The following MAGI1 variants were observed in gnomAD, a reference collection of about 807,000 sequenced individuals.
The protein encoded by MAGI1 is membrane associated guanylate kinase, WW and PDZ domain containing 1.
Under a neutral mutation model 139.9 loss-of-function variants are expected in MAGI1, and 58 were observed. The ratio of observed to expected loss-of-function variants is 0.41; its 90% CI spans 0.34 to 0.52. The LOEUF (loss-of-function observed/expected upper bound fraction) is 0.52, where lower values mean the gene tolerates loss of function less well. Ranked by LOEUF, MAGI1 falls within the 20% of genes least tolerant of loss-of-function variation. MAGI1 has a pLI of 0.12. For synonymous variants in MAGI1, 812 were observed against 737.9 expected, an observed-to-expected ratio of 1.10 and a Z score of -1.63; for missense variants, 1,874 against 1,901.6, an observed-to-expected ratio of 0.99 and a Z score of 0.27.
At chr3:65,462,924 A>G (rs1164086971) in intron 5 of MAGI1, among the ~76,000 whole-genome samples, 2 of 152,038 alleles carry the variant, frequency 1.3e-5, no homozygotes, top group Admixed American at 6.6e-5. Flanking sequence ...CTGTTTGTCT[A>G]CTATTGGTGT....
chr3:65,785,848 G>A (rs995551256), intron 1 of MAGI1, among the ~76,000 whole-genome samples: 1 of 151,884 alleles, frequency 6.6e-6, no homozygotes, highest in African/African-American at 2.4e-5. Flanking sequence ...TCTGAAACAA[G>A]TTCACAGAGA....
intron 5 of MAGI1, among the ~76,000 whole-genome samples, chr3:65,466,318 T>C (rs1202020838): frequency 6.6e-6 from 1 of 152,154 alleles, no homozygotes; most frequent in Non-Finnish European, 1.5e-5. Context: ...TTTATTAACA[T>C]GGATTTTTTG....
chr3:65,458,360 T>C, intron 5 of MAGI1, among the ~76,000 whole-genome samples: 1 of 151,774 alleles, frequency 6.6e-6, no homozygotes, highest in East Asian at 1.9e-4. Flanking sequence ...TTCTGTTTGT[T>C]TGTTTTTTTT....
chr3:65,466,765 GA>G (rs1376222631), intron 5 of MAGI1, among the ~76,000 whole-genome samples: 1 of 152,160 alleles, frequency 6.6e-6, no homozygotes, highest in Non-Finnish European at 1.5e-5. Context: ...GAAATAAGGG[GA>G]ATTTCCTTAC....
chr3:65,718,204 T>C (rs1345185459), intron 1 of MAGI1, among the ~76,000 whole-genome samples: 1 of 152,128 alleles, frequency 6.6e-6, no homozygotes, highest in South Asian at 2.1e-4. Flanking sequence ...ACACAAACTT[T>C]TTTTTTTAGA....
chr3:65,388,339 G>C (rs561702175), intron 14 of MAGI1, among the ~76,000 whole-genome samples: 61 of 152,214 alleles, frequency 4.0e-4, no homozygotes, highest in Non-Finnish European at 7.9e-4. Context: ...CCAACAAAAA[G>C]AGGGTAATAT....
chr3:65,610,154 C>T (rs763775022), intron 2 of MAGI1, among the ~76,000 whole-genome samples: 2 of 152,098 alleles, frequency 1.3e-5, no homozygotes, highest in Admixed American at 6.6e-5. Context: ...TAAGAAGTTA[C>T]AAAATTCCCC....
intron 1 of MAGI1, among the ~76,000 whole-genome samples, chr3:65,860,223 T>C (rs78691000): frequency 3.3e-5 from 5 of 152,110 alleles, no homozygotes; most frequent in Non-Finnish European, 7.4e-5. Flanking sequence ...TATTCTTCTA[T>C]TTCCCCATTC....
chr3:65,706,257 A>G (rs1403385678), intron 1 of MAGI1, among the ~76,000 whole-genome samples: 1 of 152,252 alleles, frequency 6.6e-6, no homozygotes, highest in East Asian at 1.9e-4. Flanking sequence ...TGAAAGGACC[A>G]AAATTTATGT....
At chr3:65,945,097 C>T (rs1470292305) in intron 1 of MAGI1, among the ~76,000 whole-genome samples, 2 of 152,172 alleles carry the variant, frequency 1.3e-5, no homozygotes, top group Non-Finnish European at 2.9e-5. Flanking sequence ...AATCTGGGAG[C>T]ACCAATGGAT....
chr3:65,955,062 C>T (rs1394771362), intron 1 of MAGI1, among the ~76,000 whole-genome samples: 1 of 152,198 alleles, frequency 6.6e-6, no homozygotes, highest in Non-Finnish European at 1.5e-5. Context: ...TTTAACCTCT[C>T]TCATCTGGTC....
At chr3:65,745,373 A>C (rs17073632) in intron 1 of MAGI1, among the ~76,000 whole-genome samples, 1,956 of 152,266 alleles carry the variant, frequency 0.013, 44 homozygotes, top group African/African-American at 0.043. Flanking sequence ...TGCACCTCTG[A>C]AATCAGCCTA....
intron 1 of MAGI1, among the ~76,000 whole-genome samples, chr3:65,994,412 G>A (rs1229991603): frequency 6.6e-6 from 1 of 152,050 alleles, no homozygotes; most frequent in Non-Finnish European, 1.5e-5. Context: ...ATGCTTATTA[G>A]TATCTCCCCT....
intron 1 of MAGI1, among the ~76,000 whole-genome samples, chr3:65,726,639 A>G (rs1300585693): frequency 6.6e-6 from 1 of 152,160 alleles, no homozygotes; most frequent in Non-Finnish European, 1.5e-5. Context: ...TACTGATCCA[A>G]AAGAAAGCTG....
At chr3:65,445,426 C>T (rs1228869178) in intron 7 of MAGI1, among the ~76,000 whole-genome samples, 1 of 152,182 alleles carries the variant, frequency 6.6e-6, no homozygotes, top group Non-Finnish European at 1.5e-5. Flanking sequence ...GCTACTCCTG[C>T]CTCTGAAAAT....
At chr3:65,813,755 G>A (rs1017420177) in intron 1 of MAGI1, among the ~76,000 whole-genome samples, 1 of 152,166 alleles carries the variant, frequency 6.6e-6, no homozygotes, top group African/African-American at 2.4e-5. Context: ...TCATAAAATG[G>A]TATTTATAAT....
chr3:65,811,318 G>A (rs918516510), intron 1 of MAGI1, among the ~76,000 whole-genome samples: 1 of 152,206 alleles, frequency 6.6e-6, no homozygotes, highest in Non-Finnish European at 1.5e-5. Flanking sequence ...GAGGCTAGGA[G>A]ACTAGTGTCT....
At chr3:65,676,110 T>C (rs1318852382) in intron 1 of MAGI1, among the ~76,000 whole-genome samples, 1 of 152,216 alleles carries the variant, frequency 6.6e-6, no homozygotes, top group Non-Finnish European at 1.5e-5. Context: ...ATTTGTAGCA[T>C]TATGTTTAAC....
Position 65,381,913 on chromosome 3 carries a change from C to T in MAGI1, c.2665G>A (p.Val889Ile), listed in dbSNP as rs988408727. 2 of 1,613,834 alleles carry T rather than the reference C, an allele frequency of 1.2e-6. No individual in the cohort carries two copies. ...LMQQAAKQGH[V>I]NLTVRRKVVF... ...ACTTTACGCCGCACCGTGAGATTGA[C>T]GTGGCCTTGCTTGGCAGCTTGTTGC... The change falls in exon 16 of 23, where the codon GTC becomes ATC. Residue 889 changes from valine (V) to isoleucine (I), a missense_variant. Val to Ile is a conservative substitution (Grantham distance 29, BLOSUM62 3). Coordinates refer to ENST00000402939, the MANE Select transcript of MAGI1 (RefSeq NM_001033057.2).
Sources: allele counts gnomAD v4.1 joint callset (sites outside exome capture counted in the v4.1 genomes callset), GRCh38; gene constraint gnomAD v4.1.1; transcripts MANE v1.5; gene names NCBI Gene and HGNC (gene_info 2026-07-23, HGNC 2026-07-21).